UNC5D: variants seen among roughly 807,000 people sequenced by gnomAD.
UNC5D encodes unc-5 netrin receptor D.
A neutral mutation model predicts 105.4 loss-of-function variants in UNC5D; 39 were observed. The ratio of observed to expected loss-of-function variants is 0.37; its 90% CI spans 0.29 to 0.48. The LOEUF (loss-of-function observed/expected upper bound fraction) is 0.48, where lower values mean the gene tolerates loss of function less well. Ranked by LOEUF, UNC5D falls within the 20% of genes least tolerant of loss-of-function variation. The probability of loss-of-function intolerance (pLI) is 0.98; values close to 1 mark genes in which losing one functional copy is unlikely to be tolerated. For synonymous variants in UNC5D, 452 were observed against 450.4 expected, an observed-to-expected ratio of 1.00 and a Z score of -0.04; for missense variants, 991 against 1,202.4, an observed-to-expected ratio of 0.82 and a Z score of 2.60.
Position 35,245,495 on chromosome 8 carries a change from A to T in UNC5D, c.103+9608A>T, listed in dbSNP as rs150438269. On this transcript the variant is annotated intron_variant, in intron 1 of 16. Transcript: ENST00000404895. ...AGGTTTCCAAAGTTGTTTCTCTTAAAAAAAGCAATCAGGATGTTCACAGGT... is the reference window on the plus strand; with the variant it reads ...AGGTTTCCAAAGTTGTTTCTCTTAATAAAAGCAATCAGGATGTTCACAGGT... Among the ~76,000 whole-genome samples, 617 of 152,262 alleles carry T rather than the reference A, an allele frequency of 4.1e-3. 3 individuals carry two copies. The highest frequency in any genetic ancestry group is 0.014 in the African/African-American group (590 of 41,556).
At chr8:35,645,507 A>G (rs890152994) in intron 4 of UNC5D, among the ~76,000 whole-genome samples, 68 of 149,454 alleles carry the variant, frequency 4.5e-4, no homozygotes, top group African/African-American at 1.6e-3. Context: ...ACATTTTTCT[A>G]TCGTATATAT....
chr8:35,613,313 G>A lies in UNC5D; in HGVS notation c.570+17656G>A, dbSNP rs557754365. On this transcript the variant is annotated intron_variant, in intron 4 of 16. Coordinates refer to ENST00000404895, the MANE Select transcript of UNC5D (RefSeq NM_080872.4). Reference sequence around the variant, plus strand: ...CAGTCTCAAACATTAGGGCTCAGGTGATCTGCCCACCCTGGCCTCCCCAAG... The same window carrying A: ...CAGTCTCAAACATTAGGGCTCAGGTAATCTGCCCACCCTGGCCTCCCCAAG... Among the ~76,000 whole-genome samples the A allele has an allele frequency of 4.2e-4, 64 of 152,334 alleles. 1 individual carries two copies. The South Asian group carries it at 0.013, about 31-fold the overall frequency.
At position 35,334,217 on chromosome 8, in the gene UNC5D, G is replaced by A. The variant is rs199509991; in HGVS notation, c.103+98330G>A. On this transcript the variant is annotated intron_variant, in intron 1 of 16. Transcript: ENST00000404895. ...AACTGCAGTGATCAGAGACAGCTGC[G>A]AAAAGGCAGAAGTAGCGTCAGTGAA... Among the ~76,000 whole-genome samples, 37 of 152,186 alleles carry A rather than the reference G, an allele frequency of 2.4e-4. No homozygotes were observed. In the East Asian group the frequency reaches 4.3e-3, roughly 18 times the overall value.
intron 2 of UNC5D, among the ~76,000 whole-genome samples, chr8:35,566,392 A>G (rs1817338839): frequency 6.6e-6 from 1 of 152,076 alleles, no homozygotes. Flanking sequence ...AGAGTTCTGG[A>G]CTCATTTTGA....
At chr8:35,421,159 C>T (rs911961405) in intron 1 of UNC5D, among the ~76,000 whole-genome samples, 3 of 152,134 alleles carry the variant, frequency 2.0e-5, no homozygotes, top group Admixed American at 1.3e-4. Flanking sequence ...TTTATCTAAA[C>T]GTGCCTCAGT....
chr8:35,461,800 C>A (rs1808913605), intron 1 of UNC5D, among the ~76,000 whole-genome samples: 1 of 152,144 alleles, frequency 6.6e-6, no homozygotes, highest in African/African-American at 2.4e-5. Flanking sequence ...TGCTTAAGAT[C>A]ATAACTGTGG....
At position 35,247,602 on chromosome 8, in the gene UNC5D, A is replaced by G. The variant is rs1318240418; in HGVS notation, c.103+11715A>G. Among the ~76,000 whole-genome samples, 144 of 98,152 alleles carry G rather than the reference A, an allele frequency of 1.5e-3. 1 individual carries two copies. The highest frequency in any genetic ancestry group is 2.2e-3 in the Non-Finnish European group (116 of 53,398). The allele number at this position is 98,152 out of a possible 152,430, so 64.4% of individuals were successfully genotyped here. Reference sequence around the variant, plus strand: ...AAAATATATAAAATATATATAATATATAAATATATATTATATATAAAATAT... The same window carrying G: ...AAAATATATAAAATATATATAATATGTAAATATATATTATATATAAAATAT... On this transcript the variant is annotated intron_variant, in intron 1 of 16. Transcript: ENST00000404895.
At chr8:35,252,397 C>G (rs1803767229) in intron 1 of UNC5D, among the ~76,000 whole-genome samples, 1 of 152,092 alleles carries the variant, frequency 6.6e-6, no homozygotes, top group Non-Finnish European at 1.5e-5. Context: ...TAAAAGTAAT[C>G]ACTCTTAAAT....
rs375585779 is a variant in UNC5D at position 35,380,102 on chromosome 8, G to GGA, written c.103+144236_103+144237dup. 1.4e-3 allele frequency among the ~76,000 whole-genome samples: 158 copies of GGA among 113,958 alleles called. 1 individual carries two copies. The highest frequency in any genetic ancestry group is 0.014 in the East Asian group (58 of 4,184). The allele number at this position is 113,958 out of a possible 152,430, so 74.8% of individuals were successfully genotyped here. ...TAATTGGGGGTGGGGGGGGGGTCGG[G>GGA]GAGAGAGAGAGAGAGAGAGAGACAC... On this transcript the variant is annotated intron_variant, in intron 1 of 16. Coordinates refer to ENST00000404895, the MANE Select transcript of UNC5D (RefSeq NM_080872.4).
At chr8:35,437,590 G>A (rs1807105378) in intron 1 of UNC5D, among the ~76,000 whole-genome samples, 1 of 151,994 alleles carries the variant, frequency 6.6e-6, no homozygotes, top group African/African-American at 2.4e-5. Flanking sequence ...TATTTTATTG[G>A]CTTCCTATAA....
At chr8:35,263,404 A>T in intron 1 of UNC5D, among the ~76,000 whole-genome samples, 1 of 152,102 alleles carries the variant, frequency 6.6e-6, no homozygotes, top group East Asian at 1.9e-4. Context: ...TTTCTTAATT[A>T]AAAGCATTTT....
At chr8:35,489,685 G>C (rs1432842191) in intron 1 of UNC5D, among the ~76,000 whole-genome samples, 1 of 152,148 alleles carries the variant, frequency 6.6e-6, no homozygotes, top group East Asian at 1.9e-4. Flanking sequence ...GTCAGCCCTA[G>C]CAAACTAATA....
At chr8:35,430,749 G>A (rs191240161) in intron 1 of UNC5D, among the ~76,000 whole-genome samples, 153 of 152,264 alleles carry the variant, frequency 1.0e-3, no homozygotes, top group Admixed American at 2.2e-3. Flanking sequence ...TGTTGCATGA[G>A]AACAGAGGAA....
chr8:35,359,187 G>T (rs1801724992), intron 1 of UNC5D, among the ~76,000 whole-genome samples: 1 of 152,200 alleles, frequency 6.6e-6, no homozygotes, highest in Admixed American at 6.5e-5. Context: ...GACTCTTCAA[G>T]AAAAAGGTAG....
intron 1 of UNC5D, among the ~76,000 whole-genome samples, chr8:35,253,472 CCTTTT>C (rs2128813639): frequency 1.0e-5 from 1 of 99,484 alleles, no homozygotes; most frequent in South Asian, 3.6e-4. Context: ...GATTTTATTT[CCTTTT>C]TTTTTTTTTT....
intron 1 of UNC5D, among the ~76,000 whole-genome samples, chr8:35,245,853 C>G (rs1563244984): frequency 6.6e-6 from 1 of 152,070 alleles, no homozygotes. Context: ...TCATAGCAAA[C>G]TTAGATCATT....
At chr8:35,767,482 G>A (rs1458112141) in intron 15 of UNC5D, among the ~76,000 whole-genome samples, 1 of 152,166 alleles carries the variant, frequency 6.6e-6, no homozygotes, top group East Asian at 1.9e-4. Flanking sequence ...GTTCTGACTA[G>A]TTTCCAGAAG....
intron 8 of UNC5D, among the ~76,000 whole-genome samples, chr8:35,719,182 ACACACG>A (rs1470110310): frequency 5.5e-5 from 8 of 145,686 alleles, no homozygotes; most frequent in African/African-American, 2.2e-4. Context: ...ACACACACAC[ACACACG>A]ACTTTCTCCC....
At chr8:35,653,443 A>C (rs1823547180) in intron 4 of UNC5D, among the ~76,000 whole-genome samples, 1 of 152,202 alleles carries the variant, frequency 6.6e-6, no homozygotes, top group Non-Finnish European at 1.5e-5. Context: ...CTATAGCACA[A>C]ATTTCTACAG....
Sources: allele counts gnomAD v4.1 joint callset (sites outside exome capture counted in the v4.1 genomes callset), GRCh38; gene constraint gnomAD v4.1.1; transcripts MANE v1.5; gene names NCBI Gene and HGNC (gene_info 2026-07-23, HGNC 2026-07-21).